HMCN1: variants seen among roughly 807,000 people sequenced by gnomAD.
HMCN1 encodes the protein hemicentin-1.
HMCN1 carries 321 observed loss-of-function variants against 625.9 expected under a neutral mutation model. The ratio of observed to expected loss-of-function variants is 0.51; its 90% CI spans 0.47 to 0.56. The LOEUF is 0.56. Among genes scored for constraint, HMCN1 ranks in the 20% least tolerant of loss-of-function variants. The pLI is 0.00. For missense variants in HMCN1, 6,588 were observed against 6,887.3 expected, an observed-to-expected ratio of 0.96 and a Z score of 1.54; for synonymous variants, 2,425 against 2,417.6, an observed-to-expected ratio of 1.00 and a Z score of -0.09.
intron 39 of HMCN1, among the ~76,000 whole-genome samples, chr1:186,040,184 C>G (rs184260592): frequency 2.6e-5 from 4 of 152,170 alleles, no homozygotes; most frequent in Admixed American, 6.5e-5. Flanking sequence ...ACAATAGATA[C>G]TTTACACAAA....
intron 4 of HMCN1, among the ~76,000 whole-genome samples, chr1:185,904,317 G>A (rs755383176): frequency 6.6e-6 from 1 of 151,770 alleles, no homozygotes; most frequent in Non-Finnish European, 1.5e-5. Flanking sequence ...TGTAAAGCCT[G>A]CCATTGCTAT....
At chr1:185,811,750 G>A (rs569676297) in intron 1 of HMCN1, among the ~76,000 whole-genome samples, 1 of 151,604 alleles carries the variant, frequency 6.6e-6, no homozygotes, top group East Asian at 1.9e-4. Flanking sequence ...ATACACATAT[G>A]TATATACATA....
At chr1:186,110,489 G>C (rs1660824324) in intron 71 of HMCN1, among the ~76,000 whole-genome samples, 1 of 152,198 alleles carries the variant, frequency 6.6e-6, no homozygotes, top group Non-Finnish European at 1.5e-5. Flanking sequence ...GTATCCATTA[G>C]CTTTGGCAAT....
chr1:185,748,013 A>G (rs1285828508), intron 1 of HMCN1, among the ~76,000 whole-genome samples: 1 of 151,200 alleles, frequency 6.6e-6, no homozygotes, highest in Non-Finnish European at 1.5e-5. Context: ...GAGGAGATAA[A>G]TACAAGAAAG....
intron 1 of HMCN1, among the ~76,000 whole-genome samples, chr1:185,768,763 T>C (rs1656037156): frequency 6.6e-6 from 1 of 152,086 alleles, no homozygotes; most frequent in African/African-American, 2.4e-5. Flanking sequence ...CTGGGCAACA[T>C]AGTAGGACCC....
intron 3 of HMCN1, 134 bp downstream of exon 3, chr1:185,864,762 GTA>G: frequency 2.5e-6 from 2 of 785,136 alleles, no homozygotes; most frequent in Middle Eastern, 4.6e-4. Flanking sequence ...TCTCCAATAT[GTA>G]TATGTCATCT....
chr1:185,902,405 C>CTA lies in HMCN1; in HGVS notation c.622-6931_622-6930insAT, dbSNP rs903275348. On this transcript the variant is annotated intron_variant, in intron 4 of 106. Coordinates refer to ENST00000271588, the MANE Select transcript of HMCN1 (RefSeq NM_031935.3). ...TCTATCTATCTATCTATCTATCTAT[C>CTA]TCTATCTATCTATCTATCTATCTAT... is the stretch of plus-strand genomic sequence containing the variant. Among the ~76,000 whole-genome samples the CTA allele has an allele frequency of 4.0e-3, 578 of 145,422 alleles. 2 individuals are homozygous for CTA. Among genetic ancestry groups the CTA allele is most frequent in the African/African-American group, 0.014 (542 of 38,572 alleles).
chr1:185,902,835 A>G (rs1040835869), intron 4 of HMCN1, among the ~76,000 whole-genome samples: 1 of 151,688 alleles, frequency 6.6e-6, no homozygotes, highest in African/African-American at 2.4e-5. Context: ...ATATGAATGT[A>G]TGTATCTATG....
At chr1:185,990,157 T>C in intron 21 of HMCN1, 118 bp from the exon 22 acceptor site, 2 of 961,226 alleles carry the variant, frequency 2.1e-6, no homozygotes, top group Non-Finnish European at 3.4e-6. Flanking sequence ...GCTTATGTCC[T>C]GAATAGCATC....
intron 57 of HMCN1, among the ~76,000 whole-genome samples, chr1:186,083,832 T>C (rs2102388615): frequency 6.6e-6 from 1 of 152,262 alleles, no homozygotes; most frequent in Non-Finnish European, 1.5e-5. Context: ...TTAATTCCCG[T>C]TCTTAGCACA....
At chr1:186,088,893 G>T in intron 63 of HMCN1, 138 bp downstream of exon 63, 1 of 858,288 alleles carries the variant, frequency 1.2e-6, no homozygotes. Context: ...TCAGTTTTCT[G>T]TCTTATATTT....
chr1:185,886,296 G>T (rs1337284869), intron 4 of HMCN1, among the ~76,000 whole-genome samples: 1 of 151,926 alleles, frequency 6.6e-6, no homozygotes, highest in Non-Finnish European at 1.5e-5. Context: ...TTGTGTACAT[G>T]CTGAATGACT....
chr1:185,902,423 CTA>C (rs1395382140), intron 4 of HMCN1, among the ~76,000 whole-genome samples: 59 of 135,844 alleles, frequency 4.3e-4, no homozygotes, highest in African/African-American at 2.1e-3. Context: ...ATCTATCTAT[CTA>C]TCTATCTATC....
At chr1:186,184,509 G>C (rs1220681273) in intron 105 of HMCN1, among the ~76,000 whole-genome samples, 44 of 152,166 alleles carry the variant, frequency 2.9e-4, no homozygotes, top group Non-Finnish European at 1.5e-5. Flanking sequence ...CTAAGACACA[G>C]AGAGGAGAAA....
At chr1:185,802,533 C>T (rs912310064) in intron 1 of HMCN1, among the ~76,000 whole-genome samples, 13 of 151,888 alleles carry the variant, frequency 8.6e-5, no homozygotes, top group Admixed American at 3.9e-4. Flanking sequence ...AGAAAGAGCA[C>T]GCAACTGAAA....
At chr1:185,978,025 G>A in intron 16 of HMCN1, 44 bp downstream of exon 16, 1 of 1,371,462 alleles carries the variant, frequency 7.3e-7, no homozygotes, top group Non-Finnish European at 1.0e-6. Context: ...GTACTTTTAT[G>A]TTATATATTT....
At chr1:186,074,299 A>T (rs1658661475) in intron 52 of HMCN1, among the ~76,000 whole-genome samples, 1 of 152,044 alleles carries the variant, frequency 6.6e-6, no homozygotes, top group South Asian at 2.1e-4. Context: ...CTGAATGAAC[A>T]AAAGTAATTT....
At chr1:186,063,404 G>A (rs1326216971) in intron 48 of HMCN1, among the ~76,000 whole-genome samples, 1 of 146,178 alleles carries the variant, frequency 6.8e-6, no homozygotes, top group African/African-American at 2.5e-5. Context: ...GAAGAAAGAG[G>A]GAGTGGGGAG....
chr1:186,144,275 C>A lies in HMCN1; in HGVS notation c.14027C>A (p.Ala4676Glu), dbSNP rs755745799. 6 of 1,613,814 alleles carry A rather than the reference C, an allele frequency of 3.7e-6. No homozygotes were observed. Among genetic ancestry groups the A allele is most frequent in the Non-Finnish European group, 5.1e-6 (6 of 1,179,960 alleles). The change falls in exon 90 of 107, where the codon GCG (alanine) becomes GAG (glutamate). Residue 4676 changes from alanine (A) to glutamate (E), a missense_variant. Physicochemically the swap from Ala to Glu is moderately radical, Grantham distance 107. Transcript: ENST00000271588. The stretch of plus-strand genomic sequence containing the variant: ...AGACTTTGTAATAACCCACCACCAG[C>A]GTTTGGTGGGTCCTACTGTGATGGA... ...RARLCNNPPP[A>E]FGGSYCDGAE...
Sources: allele counts gnomAD v4.1 joint callset (sites outside exome capture counted in the v4.1 genomes callset), GRCh38; gene constraint gnomAD v4.1.1; transcripts MANE v1.5; gene names NCBI Gene and HGNC (gene_info 2026-07-23, HGNC 2026-07-21).